MIOS: variants seen among roughly 807,000 people sequenced by gnomAD.
MIOS encodes GATOR2 complex protein MIOS.
MIOS carries 52 observed loss-of-function variants against 96.9 expected under a neutral mutation model. That is an observed-to-expected ratio of 0.54 (90% CI 0.43 to 0.68). The LOEUF (loss-of-function observed/expected upper bound fraction) is 0.68. Among genes scored for constraint, MIOS ranks in the 30% least tolerant of loss-of-function variants. The probability of loss-of-function intolerance (pLI) is 0.00; values close to 1 mark genes in which losing one functional copy is unlikely to be tolerated. For synonymous variants in MIOS, 397 were observed against 359.5 expected (o/e 1.10, Z -1.18); for missense variants, 1,005 against 1,052.8 (o/e 0.95, Z 0.63).
rs759643049 is a variant in MIOS at position 7,607,028 on chromosome 7, C to T, written c.2564C>T (p.Thr855Met). 8 of 1,612,802 alleles carry T rather than the reference C, an allele frequency of 5.0e-6. No individual in the cohort carries two copies. Among genetic ancestry groups the T allele is most frequent in the Admixed American group, 3.3e-5 (2 of 59,770 alleles). ...DHAECPVSAC[T>M]CKCMQLDTTG... ...GCAGAGTGCCCTGTGTCGGCATGCA[C>T]GTGTAAATGTATGCAGTTGGATACA... The change falls in exon 13 of 13, where the codon ACG (threonine) becomes ATG (methionine). Residue 855 changes from threonine (T) to methionine (M), a missense_variant. Thr to Met is a moderately conservative substitution (Grantham distance 81). Transcript: ENST00000340080.
intron 10 of MIOS, 70 bp from the exon 11 acceptor site, chr7:7,596,187 G>A (rs187955071): frequency 2.7e-5 from 35 of 1,301,214 alleles, no homozygotes; most frequent in East Asian, 1.9e-4. Context: ...TTTGTTAGGC[G>A]CACACTAAGT....
rs377611433 is a variant in MIOS at position 7,590,722 on chromosome 7, A to G, written c.2043+1159A>G. On this transcript the variant is annotated intron_variant, in intron 9 of 12. Transcript: ENST00000340080. ...TGGCTTTTTAGCTATATCTCTTTTC[A>G]TTATCTTTTTTAAAAGATGTTGCTG... Among the ~76,000 whole-genome samples the G allele has an allele frequency of 7.0e-4, 106 of 151,434 alleles. 1 individual carries two copies. The highest frequency in any genetic ancestry group is 2.5e-3 in the African/African-American group (104 of 41,212).
rs1784587149 is a variant in MIOS, at chr7:7,608,437, AT to A, written c.*1351del. On this transcript the variant is annotated 3_prime_UTR_variant, in exon 13 of 13. Coordinates refer to ENST00000340080, the MANE Select transcript of MIOS (RefSeq NM_019005.4). ...TAAATATTAAAAGTAGATTAAATTT[AT>A]TTTTTACCTTGAGTGTCTGATACAT... The A allele has an allele frequency of 6.6e-6, 1 of 152,022 alleles. No individual in the cohort carries two copies. The highest frequency in any genetic ancestry group is 6.6e-5 in the Admixed American group (1 of 15,224). The allele number at this position is 152,022 out of a possible 1,614,324, so 9.4% of individuals were successfully genotyped here.
intron 2 of MIOS, among the ~76,000 whole-genome samples, 168 bp from the exon 3 acceptor site, chr7:7,567,858 A>G (rs909872936): frequency 6.6e-6 from 1 of 152,240 alleles, no homozygotes; most frequent in African/African-American, 2.4e-5. Flanking sequence ...AAAAACGTAA[A>G]AATCCTCAAT....
intron 11 of MIOS, among the ~76,000 whole-genome samples, chr7:7,603,392 C>T (rs375620092): frequency 3.9e-5 from 6 of 152,134 alleles, no homozygotes; most frequent in African/African-American, 1.4e-4. Context: ...CCATCAAAAA[C>T]TGGGCAAAGG....
chr7:7,604,180 G>A lies in MIOS; in HGVS notation c.2402-1762G>A, dbSNP rs142795262. 2.6e-4 allele frequency among the ~76,000 whole-genome samples: 40 copies of A among 152,018 alleles called. 1 individual carries two copies. The East Asian group carries it at 6.4e-3, about 24-fold the overall frequency. ...GTATACATATATAACAAACCTGCAC[G>A]TTGTGCACATGTACCCTAAAACTTT... is the stretch of plus-strand genomic sequence containing the variant. On this transcript the variant is annotated intron_variant, in intron 11 of 12. Transcript: ENST00000340080.
chr7:7,587,514 C>A (rs1783926478), intron 7 of MIOS, among the ~76,000 whole-genome samples: 1 of 152,120 alleles, frequency 6.6e-6, no homozygotes, highest in Non-Finnish European at 1.5e-5. Flanking sequence ...TCGGAAAATA[C>A]AGGCCTGACT....
chr7:7,567,223 T>C (rs1783171587), intron 1 of MIOS, 151 bp downstream of exon 1: 1 of 152,188 alleles, frequency 6.6e-6, no homozygotes, highest in Non-Finnish European at 1.5e-5. Flanking sequence ...GCCGGCCGCC[T>C]GGCCGGGCCT....
intron 11 of MIOS, among the ~76,000 whole-genome samples, chr7:7,600,086 G>T (rs556696181): frequency 3.9e-5 from 6 of 152,036 alleles, no homozygotes; most frequent in Admixed American, 1.3e-4. Flanking sequence ...CCTGGATGAT[G>T]AAATAATCCG....
In MIOS at chr7:7,597,480, ATATATATATATAT is replaced by A. The variant is rs1563040806; in HGVS notation, c.2401+1020_2401+1032del. Among the ~76,000 whole-genome samples, 32 of 32,920 alleles carry A rather than the reference ATATATATATATAT, an allele frequency of 9.7e-4. 4 individuals carry two copies. The highest frequency in any genetic ancestry group is 2.2e-3 in the Non-Finnish European group (30 of 13,632). The allele number at this position is 32,920 out of a possible 152,430, so 21.6% of individuals were successfully genotyped here. A position where few individuals can be genotyped will look rare whatever the true frequency, so the allele number is the denominator to read the frequency against. On this transcript the variant is annotated intron_variant, in intron 11 of 12. Coordinates refer to ENST00000340080, the MANE Select transcript of MIOS (RefSeq NM_019005.4). ...TTACCTAGTAAATTTATATATATAT[ATATATATATATAT>A]ATATATATATATATATATATATATG...
intron 11 of MIOS, among the ~76,000 whole-genome samples, chr7:7,600,463 A>AT (rs2115488117): frequency 6.6e-6 from 1 of 152,342 alleles, no homozygotes; most frequent in Non-Finnish European, 1.5e-5. Context: ...AAAGATCAAA[A>AT]GAGACAAGGC....
chr7:7,602,456 A>G (rs1784407376), intron 11 of MIOS, among the ~76,000 whole-genome samples: 2 of 152,288 alleles, frequency 1.3e-5, no homozygotes, highest in Admixed American at 6.5e-5. Flanking sequence ...CCAAATCATG[A>G]GTGAACTCCC....
chr7:7,570,481 G>T (rs190272691), intron 3 of MIOS, among the ~76,000 whole-genome samples: 184 of 152,134 alleles, frequency 1.2e-3, no homozygotes, highest in Admixed American at 2.2e-3. Flanking sequence ...AGGGGTGGGG[G>T]TGTGGTTTCA....
chr7:7,607,200 G>A lies in MIOS; in HGVS notation c.*108G>A, dbSNP rs1342088006. 2 of 741,660 alleles carry A rather than the reference G, an allele frequency of 2.7e-6. No individual in the cohort carries two copies. Among genetic ancestry groups the A allele is most frequent in the Non-Finnish European group, 4.3e-6 (2 of 460,212 alleles). 45.9% of individuals were successfully genotyped at this position (741,660 alleles called of 1,614,324 possible). A position where few individuals can be genotyped will look rare whatever the true frequency, so the allele number is the denominator to read the frequency against. On this transcript the variant is annotated 3_prime_UTR_variant, in exon 13 of 13. Coordinates refer to ENST00000340080, the MANE Select transcript of MIOS (RefSeq NM_019005.4). ...AAGCCATTCATGACTTACCTGTAAT[G>A]GGAAAATAAATCATTCTATCAGATC...
intron 11 of MIOS, among the ~76,000 whole-genome samples, chr7:7,597,506 AT>A (rs1563041070): frequency 0.031 from 1,933 of 62,772 alleles, 360 homozygotes; most frequent in African/African-American, 0.05. Context: ...ATATATATAT[AT>A]ATATATATAT....
intron 5 of MIOS, among the ~76,000 whole-genome samples, chr7:7,575,138 C>T (rs1783487876): frequency 6.6e-6 from 1 of 151,962 alleles, no homozygotes; most frequent in Non-Finnish European, 1.5e-5. Flanking sequence ...CAAATTTGGG[C>T]CCAAGTCAAG....
At chr7:7,594,877 A>AAAAG in intron 9 of MIOS, 103 bp from the exon 10 acceptor site, 1 of 788,380 alleles carries the variant, frequency 1.3e-6, no homozygotes. Context: ...AAAAAAAAAA[A>AAAAG]GGCCTATTTC....
rs1447242647 is a variant in MIOS at position 7,585,628 on chromosome 7, A to G, written c.1649-8A>G. 6.4e-7 allele frequency: 1 copy of G among 1,567,652 alleles called. No individual in the cohort carries two copies. Among genetic ancestry groups the G allele is most frequent in the East Asian group, 2.4e-5 (1 of 42,538 alleles). ...CACTTTGATTAGCTGGCTGTTTTTA[A>G]TATGCAGGAGATCTGAATCTCAATG... On this transcript the variant is annotated splice_region_variant and splice_polypyrimidine_tract_variant and intron_variant, in intron 6 of 12. Coordinates refer to ENST00000340080, the MANE Select transcript of MIOS (RefSeq NM_019005.4).
chr7:7,588,514 C>T lies in MIOS; in HGVS notation c.1835C>T (p.Ala612Val). ...TCTTTCCAGTATGAAAACAAAGTTG[C>T]AGTACGTGACAGAGTGGCATTTGCT... Reference protein sequence around the residue: ...YDGVLYENKVAVRDRVAFACK... With the variant: ...YDGVLYENKVVVRDRVAFACK... Residue 612 changes from alanine (A) to valine (V), a missense_variant, in exon 8 of 13, where the codon GCA becomes GTA. Transcript: ENST00000340080. 3.2e-6 allele frequency: 5 copies of T among 1,582,290 alleles called. No individual in the cohort carries two copies. Among genetic ancestry groups the T allele is most frequent in the Non-Finnish European group, 4.3e-6 (5 of 1,162,762 alleles).
Sources: gnomAD v4.1 joint callset for allele counts (sites outside exome capture counted in the v4.1 genomes callset) on GRCh38, gnomAD v4.1.1 for gene constraint, MANE v1.5 for transcripts, NCBI Gene and HGNC (gene_info 2026-07-23, HGNC 2026-07-21) for gene names.